NTNG1: variants seen among roughly 807,000 people sequenced by gnomAD.
The protein encoded by NTNG1 is netrin G1, also known as netrin-G1.
A neutral mutation model predicts 54.0 loss-of-function variants in NTNG1; 16 were observed. The ratio of observed to expected loss-of-function variants is 0.30; its 90% CI spans 0.20 to 0.45. The LOEUF (loss-of-function observed/expected upper bound fraction) is 0.45. Ranked by LOEUF, NTNG1 falls within the 20% of genes least tolerant of loss-of-function variation. The probability of loss-of-function intolerance (pLI) is 1.00; values close to 1 mark genes in which losing one functional copy is unlikely to be tolerated. For synonymous variants in NTNG1, 255 were observed against 263.1 expected (o/e 0.97, Z 0.30); for missense variants, 530 against 678.7 (o/e 0.78, Z 2.43).
intron 7 of NTNG1, among the ~76,000 whole-genome samples, chr1:107,443,525 C>A (rs1473443473): frequency 1.3e-5 from 2 of 152,086 alleles, no homozygotes; most frequent in Admixed American, 1.3e-4. Context: ...GGACAAATAT[C>A]TTGCGCCTAA....
At chr1:107,336,887 T>A (rs1222596059) in intron 3 of NTNG1, among the ~76,000 whole-genome samples, 1 of 151,966 alleles carries the variant, frequency 6.6e-6, no homozygotes, top group Non-Finnish European at 1.5e-5. Flanking sequence ...AGATCATTAG[T>A]CATTAGGGAC....
At chr1:107,326,485 G>A (rs540216899) in intron 3 of NTNG1, among the ~76,000 whole-genome samples, 5 of 152,060 alleles carry the variant, frequency 3.3e-5, no homozygotes, top group African/African-American at 1.2e-4. Context: ...TTAGTTTCCA[G>A]GATCTTATTC....
At chr1:107,367,225 C>A (rs1670650067) in intron 3 of NTNG1, among the ~76,000 whole-genome samples, 1 of 152,082 alleles carries the variant, frequency 6.6e-6, no homozygotes, top group South Asian at 2.1e-4. Flanking sequence ...ATTTTAAACC[C>A]ATGCCTGCCC....
At chr1:107,202,796 C>T (rs1658858337) in intron 2 of NTNG1, among the ~76,000 whole-genome samples, 1 of 151,880 alleles carries the variant, frequency 6.6e-6, no homozygotes, top group African/African-American at 2.4e-5. Context: ...TCCTGCTGAC[C>T]TCCGTAGTCA....
intron 7 of NTNG1, among the ~76,000 whole-genome samples, chr1:107,439,400 T>A (rs1411313497): frequency 6.6e-6 from 1 of 151,940 alleles, no homozygotes; most frequent in Non-Finnish European, 1.5e-5. Context: ...AGACATTTTA[T>A]GTTGTCAGGG....
chr1:107,270,639 A>G (rs975977275), intron 2 of NTNG1, among the ~76,000 whole-genome samples: 2 of 152,138 alleles, frequency 1.3e-5, no homozygotes, highest in Non-Finnish European at 2.9e-5. Context: ...TCTCCAAGAT[A>G]TAAACTTTTT....
intron 2 of NTNG1, among the ~76,000 whole-genome samples, chr1:107,249,208 G>A (rs67212832): frequency 0.2 from 30,790 of 150,736 alleles, 3,508 homozygotes; most frequent in East Asian, 0.42. Context: ...GGGTAAGGCC[G>A]GGCACGGTGG....
At chr1:107,368,265 A>T (rs1207888029) in intron 3 of NTNG1, among the ~76,000 whole-genome samples, 2 of 151,704 alleles carry the variant, frequency 1.3e-5, no homozygotes, top group African/African-American at 4.8e-5. Flanking sequence ...ATGAATCTAA[A>T]TGTGTGCAAT....
At chr1:107,435,251 T>G (rs1675525807) in intron 6 of NTNG1, among the ~76,000 whole-genome samples, 1 of 152,196 alleles carries the variant, frequency 6.6e-6, no homozygotes, top group Non-Finnish European at 1.5e-5. Flanking sequence ...ATTAAAAGCT[T>G]TCACAAAATT....
intron 2 of NTNG1, among the ~76,000 whole-genome samples, chr1:107,160,457 T>C (rs1315465376): frequency 6.6e-6 from 1 of 152,160 alleles, no homozygotes; most frequent in Non-Finnish European, 1.5e-5. Context: ...TATCTCCTAA[T>C]TGGTCTCCCT....
chr1:107,160,103 A>G (rs1487082268), intron 2 of NTNG1, among the ~76,000 whole-genome samples: 1 of 152,162 alleles, frequency 6.6e-6, no homozygotes, highest in African/African-American at 2.4e-5. Flanking sequence ...TATCAATAAC[A>G]ACTGTTATCA....
At chr1:107,355,806 A>G (rs1299695672) in intron 3 of NTNG1, among the ~76,000 whole-genome samples, 1 of 152,096 alleles carries the variant, frequency 6.6e-6, no homozygotes, top group East Asian at 1.9e-4. Flanking sequence ...TACAAGTCCA[A>G]CCACCGCCAC....
At position 107,455,744 on chromosome 1, in the gene NTNG1, A is replaced by G. The variant is rs1676915430; in HGVS notation, c.1390+18945A>G. 3 of 367,318 alleles carry G rather than the reference A, an allele frequency of 8.2e-6. No individual in the cohort carries two copies. The East Asian group carries it at 2.3e-4, about 28-fold the overall frequency. The allele number at this position is 367,318 out of a possible 1,614,324, so 22.8% of individuals were successfully genotyped here. ...GCCTTTTACTGTGGTAGCAACTTTCATGCTGTCGTGTCAGTGCTACATGGT... is the reference window on the plus strand; with the variant it reads ...GCCTTTTACTGTGGTAGCAACTTTCGTGCTGTCGTGTCAGTGCTACATGGT... On this transcript the variant is annotated intron_variant, in intron 7 of 7. Transcript: ENST00000370068.
intron 2 of NTNG1, among the ~76,000 whole-genome samples, chr1:107,193,888 T>C (rs946179026): frequency 1.4e-4 from 21 of 151,794 alleles, no homozygotes; most frequent in Admixed American, 1.4e-3. Context: ...AAAAGACCTA[T>C]AGTGTCTCTC....
At chr1:107,356,952 G>C (rs1039657585) in intron 3 of NTNG1, among the ~76,000 whole-genome samples, 1 of 152,082 alleles carries the variant, frequency 6.6e-6, no homozygotes, top group Non-Finnish European at 1.5e-5. Flanking sequence ...GCAGCAAGTG[G>C]GGATCATGCC....
At chr1:107,420,049 C>T (rs1354582956) in intron 5 of NTNG1, among the ~76,000 whole-genome samples, 1 of 152,018 alleles carries the variant, frequency 6.6e-6, no homozygotes, top group African/African-American at 2.4e-5. Context: ...AAATGTCACT[C>T]AGTATTTCCT....
chr1:107,199,301 C>A (rs1464609343), intron 2 of NTNG1, among the ~76,000 whole-genome samples: 1 of 145,598 alleles, frequency 6.9e-6, no homozygotes, highest in Non-Finnish European at 1.5e-5. Flanking sequence ...ATTCCTAATT[C>A]TGGAATTTGG....
At position 107,480,940 on chromosome 1, in the gene NTNG1, C is replaced by T. The variant is rs1321054076; in HGVS notation, c.*100C>T. 2 of 842,130 alleles carry T rather than the reference C, an allele frequency of 2.4e-6. No individual in the cohort carries two copies. Among genetic ancestry groups the T allele is most frequent in the African/African-American group, 3.4e-5 (2 of 59,600 alleles). 52.2% of individuals were successfully genotyped at this position (842,130 alleles called of 1,614,324 possible). On this transcript the variant is annotated 3_prime_UTR_variant, in exon 8 of 8. Coordinates refer to ENST00000370068, the MANE Select transcript of NTNG1 (RefSeq NM_001113226.3). ...TAGGAAACACACACATACAGACACC[C>T]CCACTCAGACAGTGTACAAACTAAG... is the stretch of plus-strand genomic sequence containing the variant.
At chr1:107,273,174 A>G (rs1010949892) in intron 2 of NTNG1, among the ~76,000 whole-genome samples, 1 of 152,166 alleles carries the variant, frequency 6.6e-6, no homozygotes, top group African/African-American at 2.4e-5. Context: ...GCTTACAGAC[A>G]TCAAGGTAGG....
Sources: allele counts gnomAD v4.1 joint callset (sites outside exome capture counted in the v4.1 genomes callset), GRCh38; gene constraint gnomAD v4.1.1; transcripts MANE v1.5; gene names NCBI Gene and HGNC (gene_info 2026-07-23, HGNC 2026-07-21).